Variants in DPPA4 observed in about 807,000 individuals in gnomAD.
The protein encoded by DPPA4 is developmental pluripotency associated 4.
DPPA4 carries 22 observed loss-of-function variants against 33.7 expected under a neutral mutation model. The observed-to-expected ratio is 0.65, with a 90% CI of 0.47 to 0.93. The LOEUF is 0.93. DPPA4 is among the 40% of genes least tolerant of loss of function. The pLI, the probability that DPPA4 is intolerant of heterozygous loss-of-function variation, is 0.00. For synonymous variants in DPPA4, 156 were observed against 132.3 expected, an observed-to-expected ratio of 1.18 and a Z score of -1.23; for missense variants, 340 against 358.6, an observed-to-expected ratio of 0.95 and a Z score of 0.42.
chr3:109,329,230 T>G, intron 5 of DPPA4, 142 bp from the exon 6 acceptor site: 1 of 732,760 alleles, frequency 1.4e-6, no homozygotes, highest in East Asian at 2.7e-5. Context: ...TTCTCTATTC[T>G]GTTCTCCTTT....
chr3:109,334,458 G>C (rs1401325724), intron 1 of DPPA4, among the ~76,000 whole-genome samples: 1 of 151,884 alleles, frequency 6.6e-6, no homozygotes, highest in African/African-American at 2.4e-5. Flanking sequence ...GAGATAGGAG[G>C]ATTGCTTGAG....
At chr3:109,330,371 T>C (rs1436087735) in intron 5 of DPPA4, 153 bp downstream of exon 5, 11 of 715,092 alleles carry the variant, frequency 1.5e-5, no homozygotes, top group Non-Finnish European at 2.6e-5. Context: ...GCTCAGGTCC[T>C]GCCCTAGACC....
At chr3:109,337,100 A>C (rs1241829516) in intron 1 of DPPA4, among the ~76,000 whole-genome samples, 1 of 151,372 alleles carries the variant, frequency 6.6e-6, no homozygotes, top group African/African-American at 2.4e-5. Context: ...GGGTTTCTCC[A>C]TTTTGGTCAG....
intron 1 of DPPA4, among the ~76,000 whole-genome samples, chr3:109,335,120 G>C (rs1321199839): frequency 6.6e-6 from 1 of 152,108 alleles, no homozygotes; most frequent in Non-Finnish European, 1.5e-5. Flanking sequence ...ACTAGGCATT[G>C]GCTTTGATAT....
rs571444924 is a variant in DPPA4, at chr3:109,329,160, G to A, written c.680-72C>T. The A allele has an allele frequency of 1.8e-5, 24 of 1,355,542 alleles. No individual in the cohort carries two copies. The East Asian group carries it at 5.7e-4, about 32-fold the overall frequency. 84.0% of individuals were successfully genotyped at this position (1,355,542 alleles called of 1,614,324 possible). ...CATACTGATGTAAGACTGCATTATG[G>A]CCCATCACCCTTGATTGACCAGCTC... is the stretch of plus-strand genomic sequence containing the variant. On this transcript the variant is annotated intron_variant, in intron 5 of 6. Coordinates refer to ENST00000335658, the MANE Select transcript of DPPA4 (RefSeq NM_018189.4).
chr3:109,330,034 G>C (rs1708024973), intron 5 of DPPA4: 1 of 181,518 alleles, frequency 5.5e-6, no homozygotes, highest in African/African-American at 2.4e-5. Flanking sequence ...AGGTACGGTG[G>C]CTCACGCCTG....
upstream of DPPA4, among the ~76,000 whole-genome samples, chr3:109,339,212 A>C (rs1314328434): frequency 7.0e-6 from 1 of 142,666 alleles, no homozygotes; most frequent in East Asian, 1.9e-4. Flanking sequence ...TAAAATAAAA[A>C]TAAAACATAA....
intron 1 of DPPA4, 59 bp from the exon 2 acceptor site, chr3:109,334,052 C>T (rs1708142563): frequency 1.9e-6 from 3 of 1,593,066 alleles, no homozygotes; most frequent in Non-Finnish European, 2.6e-6. Flanking sequence ...ACATACACTA[C>T]CTGCCTCAAG....
At chr3:109,328,310 C>T (rs138530057) in intron 6 of DPPA4, among the ~76,000 whole-genome samples, 55 of 152,288 alleles carry the variant, frequency 3.6e-4, no homozygotes, top group African/African-American at 1.2e-3. Flanking sequence ...CCCAAAGTGA[C>T]CTCCTCAGTT....
intron 4 of DPPA4, among the ~76,000 whole-genome samples, 191 bp downstream of exon 4, chr3:109,331,543 C>CAAAA (rs62827961): frequency 5.2e-3 from 369 of 70,866 alleles, no homozygotes; most frequent in Non-Finnish European, 7.8e-3. Context: ...GACTCTGTCT[C>CAAAA]AAAAAAAAAA....
upstream of DPPA4, chr3:109,337,653 A>G: frequency 1.4e-6 from 1 of 729,070 alleles, no homozygotes; most frequent in Admixed American, 2.4e-5. Context: ...CACAATTTGT[A>G]AATGCTAAAA....
intron 2 of DPPA4, chr3:109,333,374 A>C (rs6770593): frequency 0.42 from 60,596 of 142,704 alleles, 14,270 homozygotes; most frequent in East Asian, 0.72. Context: ...AAAAAAAAAA[A>C]AAAAACCAGC....
intron 4 of DPPA4, among the ~76,000 whole-genome samples, chr3:109,331,492 C>T (rs1369807271): frequency 2.4e-5 from 3 of 123,874 alleles, no homozygotes; most frequent in Non-Finnish European, 3.1e-5. Flanking sequence ...TGCAGTGAGC[C>T]GAGATGGTGC....
chr3:109,327,799 T>C lies in DPPA4; in HGVS notation c.*189A>G. The C allele has an allele frequency of 4.0e-6, 2 of 494,384 alleles. 1 individual carries two copies. Among genetic ancestry groups the C allele is most frequent in the South Asian group, 9.3e-5 (2 of 21,428 alleles). The allele number at this position is 494,384 out of a possible 1,614,324, so 30.6% of individuals were successfully genotyped here. A position where few individuals can be genotyped will look rare whatever the true frequency, so the allele number is the denominator to read the frequency against. Reference sequence around the variant, plus strand: ...GTTTTTCCATTTTTAAATGTAAGAGTCTCTATCTCCACTCACAAAGCAACA... The same window carrying C: ...GTTTTTCCATTTTTAAATGTAAGAGCCTCTATCTCCACTCACAAAGCAACA... On this transcript the variant is annotated 3_prime_UTR_variant, in exon 7 of 7. Coordinates refer to ENST00000335658, the MANE Select transcript of DPPA4 (RefSeq NM_018189.4).
At chr3:109,335,282 G>T (rs1381135522) in intron 1 of DPPA4, among the ~76,000 whole-genome samples, 1 of 152,182 alleles carries the variant, frequency 6.6e-6, no homozygotes, top group African/African-American at 2.4e-5. Context: ...CTCCTGAGCA[G>T]GTGGGACTAC....
intron 5 of DPPA4, 32 bp from the exon 6 acceptor site, chr3:109,329,120 C>T (rs371382863): frequency 5.1e-5 from 81 of 1,597,206 alleles, no homozygotes; most frequent in South Asian, 6.6e-5. Context: ...GACAGGTACC[C>T]GCACACCAGG....
At chr3:109,329,127 C>G (rs771441631) in intron 5 of DPPA4, 39 bp from the exon 6 acceptor site, 2 of 1,584,150 alleles carry the variant, frequency 1.3e-6, no homozygotes, top group Non-Finnish European at 1.7e-6. Context: ...ACCCGCACAC[C>G]AGGATGACAT....
rs1708087911 is a variant in DPPA4, at chr3:109,331,898, T to C, written c.312A>G (p.Gln104=). The change falls in exon 3 of 7, where the codon CAA becomes CAG. Residue 104 remains glutamine, a synonymous_variant. Coordinates refer to ENST00000335658, the MANE Select transcript of DPPA4 (RefSeq NM_018189.4). Reference sequence around the variant, plus strand: ...GGCCTTTGGAGCTCAGCTTCAATTGTTGGCACCAGGCCCGCAGAATGTCCC... The same window carrying C: ...GGCCTTTGGAGCTCAGCTTCAATTGCTGGCACCAGGCCCGCAGAATGTCCC... ...IHRDILRAWC[Q]QLKLSSKGQK... The C allele has an allele frequency of 1.9e-6, 3 of 1,614,084 alleles. No individual in the cohort carries two copies. Among genetic ancestry groups the C allele is most frequent in the Admixed American group, 1.7e-5 (1 of 60,000 alleles).
intron 4 of DPPA4, among the ~76,000 whole-genome samples, 191 bp downstream of exon 4, chr3:109,331,543 C>CAAAAAAAAAAAAAA (rs62827961): frequency 2.8e-5 from 2 of 71,468 alleles, no homozygotes; most frequent in African/African-American, 1.1e-4. Flanking sequence ...GACTCTGTCT[C>CAAAAAAAAAAAAAA]AAAAAAAAAA....
Sources: gnomAD v4.1 joint callset for allele counts (sites outside exome capture counted in the v4.1 genomes callset) on GRCh38, gnomAD v4.1.1 for gene constraint, MANE v1.5 for transcripts, NCBI Gene and HGNC (gene_info 2026-07-23, HGNC 2026-07-21) for gene names.